Variants in NLRP14 observed in about 807,000 individuals in gnomAD.
NLRP14 encodes the protein NLR family pyrin domain containing 14.
NLRP14 carries 105 observed loss-of-function variants against 94.7 expected under a neutral mutation model. That is an observed-to-expected ratio of 1.11 (90% confidence interval 0.95 to 1.30). The LOEUF (loss-of-function observed/expected upper bound fraction) is 1.30. Ranked by LOEUF, NLRP14 falls within the 50% of genes most tolerant of loss-of-function variation. NLRP14 has a pLI of 0.00. For synonymous variants in NLRP14, 508 were observed against 459.9 expected (o/e 1.10, Z -1.34); for missense variants, 1,362 against 1,254.1 (o/e 1.09, Z -1.30).
chr11:7,059,453 C>T lies in NLRP14; in HGVS notation c.2634-441C>T, dbSNP rs530903705. Among the ~76,000 whole-genome samples the T allele has an allele frequency of 4.6e-5, 7 of 151,924 alleles. No homozygotes were observed. In the South Asian group the frequency reaches 1.5e-3, roughly 31 times the overall value. On this transcript the variant is annotated intron_variant, in intron 8 of 11. Coordinates refer to ENST00000299481, the MANE Select transcript of NLRP14 (RefSeq NM_176822.4). ...AATTTATTTTGTTATAAGGCTTAAA[C>T]TTATTTTCCCCCATATATCAGATCT...
At chr11:7,072,922 G>A (rs1852823452), downstream of NLRP14, among the ~76,000 whole-genome samples, 2 of 152,024 alleles carry the variant, frequency 1.3e-5, no homozygotes, top group African/African-American at 4.8e-5. Flanking sequence ...CTTCTCTGGG[G>A]GCCCTCCCTT....
intron 6 of NLRP14, among the ~76,000 whole-genome samples, chr11:7,053,753 T>C (rs1852477407): frequency 6.6e-6 from 1 of 152,072 alleles, no homozygotes; most frequent in South Asian, 2.1e-4. Context: ...CACATCAAGG[T>C]AAATGGGGTA....
chr11:7,057,366 G>T (rs1190697387), intron 6 of NLRP14, among the ~76,000 whole-genome samples: 1 of 151,948 alleles, frequency 6.6e-6, no homozygotes, highest in East Asian at 1.9e-4. Flanking sequence ...TATCTTCCAA[G>T]TTGTAGTTAG....
intron 1 of NLRP14, among the ~76,000 whole-genome samples, chr11:7,026,080 T>G (rs1485256935): frequency 6.6e-6 from 1 of 152,184 alleles, no homozygotes; most frequent in Non-Finnish European, 1.5e-5. Flanking sequence ...TTTTAATTGC[T>G]CTGCATAGGC....
At chr11:7,055,142 T>C (rs948985204) in intron 6 of NLRP14, among the ~76,000 whole-genome samples, 1 of 152,158 alleles carries the variant, frequency 6.6e-6, no homozygotes, top group Non-Finnish European at 1.5e-5. Context: ...CTGCATGTTG[T>C]ATTTTTATTT....
At chr11:7,028,036 C>G (rs1200353273) in intron 1 of NLRP14, among the ~76,000 whole-genome samples, 1 of 152,136 alleles carries the variant, frequency 6.6e-6, no homozygotes, top group Non-Finnish European at 1.5e-5. Context: ...AGGGATCAGT[C>G]TTTGAATGTT....
the NLRP14 span, among the ~76,000 whole-genome samples, chr11:7,087,074 T>C: frequency 1.2e-4 from 18 of 152,308 alleles, no homozygotes; most frequent in African/African-American, 4.3e-4. Context: ...CTGACAACCA[T>C]TCTTTGTTCT....
chr11:7,075,042 G>T (rs1199584394), downstream of NLRP14, among the ~76,000 whole-genome samples: 1 of 152,100 alleles, frequency 6.6e-6, no homozygotes, highest in East Asian at 1.9e-4. Context: ...TTTTGAAAGG[G>T]CTGGTTTCTG....
At chr11:7,026,451 G>A (rs1407630634) in intron 1 of NLRP14, among the ~76,000 whole-genome samples, 4 of 152,122 alleles carry the variant, frequency 2.6e-5, no homozygotes, top group South Asian at 4.2e-4. Flanking sequence ...CAAAACCACA[G>A]TGAGATACCA....
At chr11:7,088,544 A>G in the NLRP14 span, among the ~76,000 whole-genome samples, 1 of 152,236 alleles carries the variant, frequency 6.6e-6, no homozygotes, top group Non-Finnish European at 1.5e-5. Context: ...TAAAGACAAT[A>G]GCACCAAATA....
At position 7,047,763 on chromosome 11, in the gene NLRP14, C is replaced by CTTT. The variant is rs370253823; in HGVS notation, c.2123+933_2123+935dup. Among the ~76,000 whole-genome samples, 81 of 123,846 alleles carry CTTT rather than the reference C, an allele frequency of 6.5e-4. 23 individuals are homozygous for CTTT. The highest frequency in any genetic ancestry group is 9.5e-4 in the African/African-American group (31 of 32,790). The allele number at this position is 123,846 out of a possible 152,430, so 81.2% of individuals were successfully genotyped here. A position where few individuals can be genotyped will look rare whatever the true frequency, so the allele number is the denominator to read the frequency against. On this transcript the variant is annotated intron_variant, in intron 5 of 11. Transcript: ENST00000299481. ...AATTTATCTTCTTTCTCTTTCTTTT[C>CTTT]TTTTCTTTTTTTTTTTTGAGACAGT...
Position 7,071,363 on chromosome 11 carries a change from G to A in NLRP14, c.*55G>A, listed in dbSNP as rs199475892. 2 of 1,451,558 alleles carry A rather than the reference G, an allele frequency of 1.4e-6. No individual in the cohort carries two copies. The highest frequency in any genetic ancestry group is 1.9e-6 in the Non-Finnish European group (2 of 1,049,948). The allele number at this position is 1,451,558 out of a possible 1,614,324, so 89.9% of individuals were successfully genotyped here. ...ATAAATATAAATACATACATACATA[G>A]ATATATACCCAGACTTGGGTGCTTA... On this transcript the variant is annotated 3_prime_UTR_variant, in exon 12 of 12. Transcript: ENST00000299481.
At chr11:7,028,622 T>C (rs920548183) in intron 1 of NLRP14, among the ~76,000 whole-genome samples, 20 of 152,166 alleles carry the variant, frequency 1.3e-4, no homozygotes, top group South Asian at 2.1e-4. Context: ...CAGTGACATA[T>C]AGAGCTCTAC....
the NLRP14 span, among the ~76,000 whole-genome samples, chr11:7,087,261 T>C: frequency 4.6e-5 from 7 of 152,232 alleles, no homozygotes; most frequent in African/African-American, 1.7e-4. Flanking sequence ...AATACCAATG[T>C]GTAACCTCCA....
intron 5 of NLRP14, 35 bp from the exon 6 acceptor site, chr11:7,049,636 T>C (rs772421965): frequency 6.6e-7 from 1 of 1,517,796 alleles, no homozygotes; most frequent in Non-Finnish European, 9.2e-7. Flanking sequence ...AGAGAAATGG[T>C]TTTGTAATAC....
the NLRP14 span, chr11:7,088,948 C>T: frequency 5.5e-6 from 4 of 722,960 alleles, no homozygotes; most frequent in African/African-American, 3.6e-5. Flanking sequence ...GCCGACCAAT[C>T]ACAGGCAGCA....
In NLRP14 at chr11:7,021,727, G is replaced by C. The variant is rs540658653; in HGVS notation, c.-22+957G>C. Among the ~76,000 whole-genome samples, 12 of 151,812 alleles carry C rather than the reference G, an allele frequency of 7.9e-5. No individual in the cohort carries two copies. In the South Asian group the frequency reaches 1.9e-3, roughly 24 times the overall value. On this transcript the variant is annotated intron_variant, in intron 1 of 11. Transcript: ENST00000299481. ...CTATGTATACATGTGCCATGTTGGT[G>C]TGCTGCACCCATTAAATCTGTCTCT...
the NLRP14 span, among the ~76,000 whole-genome samples, chr11:7,087,277 T>A: frequency 1.3e-5 from 2 of 152,250 alleles, no homozygotes; most frequent in African/African-American, 2.4e-5. Flanking sequence ...CTCCATGTAT[T>A]GACTTATGAT....
At chr11:7,035,021 A>G (rs1852141983) in intron 1 of NLRP14, among the ~76,000 whole-genome samples, 1 of 152,100 alleles carries the variant, frequency 6.6e-6, no homozygotes, top group Non-Finnish European at 1.5e-5. Context: ...ACCATGGCTC[A>G]TGCCTGTCAC....
Sources: allele counts gnomAD v4.1 joint callset (sites outside exome capture counted in the v4.1 genomes callset), GRCh38; gene constraint gnomAD v4.1.1; transcripts MANE v1.5; gene names NCBI Gene and HGNC (gene_info 2026-07-23, HGNC 2026-07-21).